Variants in FSTL5 observed in about 807,000 individuals in gnomAD.
The protein encoded by FSTL5 is follistatin-related protein 5.
Under a neutral mutation model 89.1 loss-of-function variants are expected in FSTL5, and 62 were observed. The observed-to-expected ratio is 0.70, with a 90% CI of 0.57 to 0.86. The LOEUF is 0.86. Among genes scored for constraint, FSTL5 ranks in the 40% least tolerant of loss-of-function variants. The probability of loss-of-function intolerance (pLI) is 0.00; values close to 1 mark genes in which losing one functional copy is unlikely to be tolerated. For missense variants in FSTL5, 1,057 were observed against 1,001.6 expected, an observed-to-expected ratio of 1.06 and a Z score of -0.75; for synonymous variants, 383 against 346.2, an observed-to-expected ratio of 1.11 and a Z score of -1.18.
intron 11 of FSTL5, among the ~76,000 whole-genome samples, chr4:161,501,721 CAA>C (rs1449151815): frequency 2.6e-5 from 4 of 151,954 alleles, no homozygotes; most frequent in East Asian, 3.9e-4. Flanking sequence ...GCAATAGACT[CAA>C]GTCACGTTTT....
chr4:161,830,674 A>G lies in FSTL5; in HGVS notation c.410-54600T>C, dbSNP rs554240672. Among the ~76,000 whole-genome samples the G allele has an allele frequency of 5.9e-5, 9 of 152,168 alleles. No homozygotes were observed. The South Asian group carries it at 1.9e-3, about 32-fold the overall frequency. ...TAACAGAACATACAATTAAATAAAA[A>G]GTGTCCCTTGATGAAATGCTTGTGA... On this transcript the variant is annotated intron_variant, in intron 4 of 15. Coordinates refer to ENST00000306100, the MANE Select transcript of FSTL5 (RefSeq NM_020116.5).
chr4:162,053,061 T>A (rs557980878), intron 2 of FSTL5, among the ~76,000 whole-genome samples: 16 of 151,790 alleles, frequency 1.1e-4, no homozygotes, highest in African/African-American at 3.9e-4. Flanking sequence ...ACAAATGAAG[T>A]AAAAAATTAA....
At chr4:161,634,696 C>T (rs1361623463) in intron 7 of FSTL5, among the ~76,000 whole-genome samples, 3 of 152,048 alleles carry the variant, frequency 2.0e-5, no homozygotes, top group African/African-American at 7.2e-5. Flanking sequence ...AAAGCTGAAC[C>T]AATAATCAGA....
intron 4 of FSTL5, among the ~76,000 whole-genome samples, chr4:161,871,784 G>A (rs548928378): frequency 1.3e-5 from 2 of 152,134 alleles, no homozygotes; most frequent in South Asian, 4.1e-4. Context: ...TTGAATCATA[G>A]CTCCTGCATC....
At chr4:161,589,012 T>C (rs1242701160) in intron 7 of FSTL5, among the ~76,000 whole-genome samples, 1 of 151,652 alleles carries the variant, frequency 6.6e-6, no homozygotes, top group Non-Finnish European at 1.5e-5. Flanking sequence ...TTTTTTTTTT[T>C]TTTGAGGCAG....
intron 2 of FSTL5, among the ~76,000 whole-genome samples, chr4:162,051,728 A>G (rs1389497539): frequency 6.6e-6 from 1 of 151,648 alleles, no homozygotes. Context: ...ATATTATTCA[A>G]TAACCCTAAA....
intron 4 of FSTL5, among the ~76,000 whole-genome samples, chr4:161,809,511 T>G (rs922903292): frequency 2.0e-5 from 3 of 152,160 alleles, no homozygotes; most frequent in African/African-American, 7.2e-5. Context: ...AGATTGAAAG[T>G]AGGTTTCAAA....
intron 4 of FSTL5, among the ~76,000 whole-genome samples, chr4:161,873,264 T>TACA (rs2126902284): frequency 6.6e-6 from 1 of 151,994 alleles, no homozygotes; most frequent in East Asian, 1.9e-4. Flanking sequence ...AATAGTTGCT[T>TACA]GGTGCATTTA....
At chr4:162,161,679 A>C (rs1339874697) in intron 1 of FSTL5, among the ~76,000 whole-genome samples, 1 of 152,022 alleles carries the variant, frequency 6.6e-6, no homozygotes, top group African/African-American at 2.4e-5. Flanking sequence ...ATGGAAGTCA[A>C]TGACACACTT....
intron 4 of FSTL5, among the ~76,000 whole-genome samples, chr4:161,848,462 T>A (rs1731446681): frequency 6.6e-6 from 1 of 152,162 alleles, no homozygotes; most frequent in African/African-American, 2.4e-5. Flanking sequence ...TTCTATAATG[T>A]TTTTTAAAAG....
At chr4:161,582,669 CT>C (rs1733476434) in intron 8 of FSTL5, among the ~76,000 whole-genome samples, 3 of 152,102 alleles carry the variant, frequency 2.0e-5, no homozygotes, top group Admixed American at 6.5e-5. Context: ...TGTCATTATT[CT>C]ATTTTTTGTT....
intron 8 of FSTL5, among the ~76,000 whole-genome samples, chr4:161,584,858 A>C (rs1472991861): frequency 6.6e-6 from 1 of 152,162 alleles, no homozygotes; most frequent in Non-Finnish European, 1.5e-5. Context: ...GAGCAATTTA[A>C]ATGTTATGGG....
chr4:161,424,010 G>A (rs1732081626), intron 15 of FSTL5, among the ~76,000 whole-genome samples: 1 of 144,036 alleles, frequency 6.9e-6, no homozygotes, highest in African/African-American at 2.5e-5. Context: ...GTGCCTGCCA[G>A]CACGCCCATC....
chr4:161,490,426 C>T (rs1019759029), intron 12 of FSTL5, among the ~76,000 whole-genome samples: 5 of 152,098 alleles, frequency 3.3e-5, no homozygotes, highest in African/African-American at 1.2e-4. Context: ...CTGTGATTAT[C>T]TCACTCTGCC....
chr4:161,754,635 A>G (rs1335655253), intron 6 of FSTL5, among the ~76,000 whole-genome samples: 1 of 152,182 alleles, frequency 6.6e-6, no homozygotes, highest in African/African-American at 2.4e-5. Context: ...ATTCTTGGTT[A>G]TCTAGAAACT....
chr4:161,467,944 G>C (rs913659868), intron 13 of FSTL5, among the ~76,000 whole-genome samples: 1 of 152,052 alleles, frequency 6.6e-6, no homozygotes, highest in South Asian at 2.1e-4. Context: ...TGCCTCAAAA[G>C]TAGTTTATCT....
chr4:161,675,563 G>T (rs1026520153), intron 6 of FSTL5, among the ~76,000 whole-genome samples: 2 of 151,034 alleles, frequency 1.3e-5, no homozygotes, highest in Non-Finnish European at 3.0e-5. Context: ...AAAAAACAGA[G>T]AATTACTGTA....
chr4:161,568,619 C>T lies in FSTL5; in HGVS notation c.1015+18836G>A, dbSNP rs183019312. 3.5e-4 allele frequency among the ~76,000 whole-genome samples: 53 copies of T among 151,380 alleles called. No homozygotes were observed. In the East Asian group the frequency reaches 4.6e-3, roughly 13 times the overall value. ...AATATACACATTAGGAAGCAGGTCACCCTATGTAGGAGCTGTCATTATTCA... is the reference window on the plus strand; with the variant it reads ...AATATACACATTAGGAAGCAGGTCATCCTATGTAGGAGCTGTCATTATTCA... On this transcript the variant is annotated intron_variant, in intron 8 of 15. Coordinates refer to ENST00000306100, the MANE Select transcript of FSTL5 (RefSeq NM_020116.5).
intron 4 of FSTL5, among the ~76,000 whole-genome samples, chr4:161,797,867 A>G (rs1729680633): frequency 6.6e-6 from 1 of 151,700 alleles, no homozygotes; most frequent in African/African-American, 2.4e-5. Flanking sequence ...AATGCAAAAT[A>G]TCTTTAGCCA....
Sources: gnomAD v4.1 joint callset for allele counts (sites outside exome capture counted in the v4.1 genomes callset) on GRCh38, gnomAD v4.1.1 for gene constraint, MANE v1.5 for transcripts, NCBI Gene and HGNC (gene_info 2026-07-23, HGNC 2026-07-21) for gene names.